The following NPAS3 variants were observed in gnomAD, a reference collection of about 807,000 sequenced individuals.
The protein encoded by NPAS3 is neuronal PAS domain-containing protein 3.
In NPAS3, 14 loss-of-function variants were observed where a neutral mutation model predicts 73.1. That is an observed-to-expected ratio of 0.19 (90% CI 0.13 to 0.30). NPAS3 has a LOEUF of 0.30. Among genes scored for constraint, NPAS3 ranks in the 10% least tolerant of loss-of-function variants. NPAS3 has a pLI of 1.00. For synonymous variants in NPAS3, 620 were observed against 541.5 expected (o/e 1.14, Z -2.01); for missense variants, 1,096 against 1,250.0 (o/e 0.88, Z 1.86).
intron 7 of NPAS3, among the ~76,000 whole-genome samples, chr14:33,767,120 T>G (rs994787128): frequency 3.9e-5 from 6 of 152,278 alleles, no homozygotes; most frequent in Admixed American, 1.3e-4. Context: ...AGGCTTGTTT[T>G]TATTGGTATT....
chr14:33,493,841 G>A (rs145895289), intron 4 of NPAS3, among the ~76,000 whole-genome samples: 3 of 152,130 alleles, frequency 2.0e-5, no homozygotes, highest in Non-Finnish European at 2.9e-5. Flanking sequence ...AGATAAAAAG[G>A]CTCCTTTTTT....
intron 2 of NPAS3, among the ~76,000 whole-genome samples, chr14:33,204,968 A>C (rs1280631800): frequency 6.6e-6 from 1 of 152,122 alleles, no homozygotes; most frequent in Admixed American, 6.5e-5. Flanking sequence ...GGCACTTCTC[A>C]TGCTCAATTT....
intron 3 of NPAS3, among the ~76,000 whole-genome samples, chr14:33,350,662 A>T (rs2044997442): frequency 6.6e-6 from 1 of 152,248 alleles, no homozygotes; most frequent in African/African-American, 2.4e-5. Flanking sequence ...CGGATTCGTG[A>T]TACCTGACTA....
chr14:33,353,502 T>C (rs11849350), intron 3 of NPAS3, among the ~76,000 whole-genome samples: 22,805 of 152,188 alleles, frequency 0.15, 1,875 homozygotes, highest in African/African-American at 0.22. Flanking sequence ...TTGGAGCCAA[T>C]TGGACCAGGA....
chr14:33,354,419 G>A (rs1250976315), intron 3 of NPAS3, among the ~76,000 whole-genome samples: 1 of 152,118 alleles, frequency 6.6e-6, no homozygotes. Flanking sequence ...TCCACCCTCT[G>A]CTCTGGCTGT....
chr14:33,202,943 C>A (rs2046676748), intron 2 of NPAS3, among the ~76,000 whole-genome samples: 1 of 152,128 alleles, frequency 6.6e-6, no homozygotes, highest in African/African-American at 2.4e-5. Context: ...TAAGAAAAGT[C>A]TTTTTCTGAC....
intron 2 of NPAS3, among the ~76,000 whole-genome samples, chr14:33,176,930 G>T (rs561396543): frequency 2.0e-5 from 3 of 152,034 alleles, no homozygotes; most frequent in Middle Eastern, 3.4e-3. Context: ...TGGGTGTGAA[G>T]TGAGATCTAA....
intron 1 of NPAS3, among the ~76,000 whole-genome samples, chr14:32,976,056 T>C (rs548791166): frequency 6.6e-6 from 1 of 152,274 alleles, no homozygotes; most frequent in East Asian, 1.9e-4. Context: ...AACATGAGTG[T>C]GTGTGAAAAT....
intron 4 of NPAS3, among the ~76,000 whole-genome samples, chr14:33,482,813 T>C (rs936698308): frequency 6.6e-6 from 1 of 152,160 alleles, no homozygotes; most frequent in Non-Finnish European, 1.5e-5. Flanking sequence ...GGAGGTGCCG[T>C]ATCTGCCTTT....
intron 2 of NPAS3, among the ~76,000 whole-genome samples, chr14:33,156,474 T>A (rs2044651730): frequency 6.6e-6 from 1 of 152,202 alleles, no homozygotes; most frequent in Non-Finnish European, 1.5e-5. Flanking sequence ...GACAATAGAT[T>A]GGTGCTACAT....
At chr14:33,289,123 G>A (rs558592926) in intron 3 of NPAS3, among the ~76,000 whole-genome samples, 1 of 152,292 alleles carries the variant, frequency 6.6e-6, no homozygotes, top group South Asian at 2.1e-4. Context: ...GTTTCACACA[G>A]ATTAGTGTAC....
intron 5 of NPAS3, among the ~76,000 whole-genome samples, chr14:33,568,516 A>G (rs1454744583): frequency 1.3e-5 from 2 of 152,204 alleles, no homozygotes; most frequent in Non-Finnish European, 2.9e-5. Flanking sequence ...AAAGCCAGCT[A>G]TCCTTTCTCA....
At chr14:33,115,734 A>G (rs997225442) in intron 2 of NPAS3, among the ~76,000 whole-genome samples, 2 of 152,166 alleles carry the variant, frequency 1.3e-5, no homozygotes, top group African/African-American at 4.8e-5. Context: ...TATGCAATCC[A>G]TCAGGGATTT....
chr14:33,580,782 A>G (rs1344460424), intron 5 of NPAS3, among the ~76,000 whole-genome samples: 3 of 139,244 alleles, frequency 2.2e-5, no homozygotes, highest in African/African-American at 8.0e-5. Flanking sequence ...TCCCCCTCCC[A>G]CACCCACCCT....
At chr14:33,558,081 G>T (rs1396794021) in intron 4 of NPAS3, among the ~76,000 whole-genome samples, 2 of 152,202 alleles carry the variant, frequency 1.3e-5, no homozygotes, top group Non-Finnish European at 2.9e-5. Flanking sequence ...ATAAATGTAA[G>T]TTGGCATTAT....
intron 4 of NPAS3, among the ~76,000 whole-genome samples, chr14:33,547,363 C>T (rs750099146): frequency 1.4e-4 from 22 of 152,222 alleles, no homozygotes; most frequent in Middle Eastern, 6.8e-3. Context: ...AGAGTCTATC[C>T]CCAATATTCA....
At chr14:33,477,311 C>T (rs962075272) in intron 4 of NPAS3, among the ~76,000 whole-genome samples, 5 of 152,080 alleles carry the variant, frequency 3.3e-5, no homozygotes, top group African/African-American at 1.2e-4. Flanking sequence ...AATATCTTCC[C>T]AGATTCACTA....
chr14:33,405,511 G>T (rs1427954817), intron 4 of NPAS3, among the ~76,000 whole-genome samples: 1 of 152,066 alleles, frequency 6.6e-6, no homozygotes. Context: ...TCTTTGTACA[G>T]TGAGGAACTT....
At chr14:33,540,090 C>T (rs966114109) in intron 4 of NPAS3, among the ~76,000 whole-genome samples, 1 of 152,146 alleles carries the variant, frequency 6.6e-6, no homozygotes, top group Admixed American at 6.5e-5. Flanking sequence ...TCAGCTGTGT[C>T]CGCATCCTTT....
Sources: gnomAD v4.1 joint callset for allele counts (sites outside exome capture counted in the v4.1 genomes callset) on GRCh38, gnomAD v4.1.1 for gene constraint, MANE v1.5 for transcripts, NCBI Gene and HGNC (gene_info 2026-07-23, HGNC 2026-07-21) for gene names.